Variants in GLDC observed in about 807,000 individuals in gnomAD.
GLDC encodes glycine decarboxylase, also known as glycine dehydrogenase (decarboxylating), mitochondrial.
Under a neutral mutation model 121.3 loss-of-function variants are expected in GLDC, and 104 were observed. The observed-to-expected ratio is 0.86, with a 90% CI of 0.73 to 1.01. The LOEUF (loss-of-function observed/expected upper bound fraction) is 1.01, where lower values mean the gene tolerates loss of function less well. GLDC is among the 50% of genes least tolerant of loss of function. The pLI, the probability that GLDC is intolerant of heterozygous loss-of-function variation, is 0.00. For synonymous variants in GLDC, 546 were observed against 480.6 expected, an observed-to-expected ratio of 1.14 and a Z score of -1.78; for missense variants, 1,429 against 1,306.6, an observed-to-expected ratio of 1.09 and a Z score of -1.44.
intron 17 of GLDC, among the ~76,000 whole-genome samples, chr9:6,557,414 G>T (rs7021790): frequency 0.77 from 116,389 of 151,386 alleles, 45,118 homozygotes; most frequent in Middle Eastern, 0.83. Context: ...GCCAATACGG[G>T]GAAACCCTGT....
At chr9:6,584,339 T>C (rs898229877) in intron 15 of GLDC, among the ~76,000 whole-genome samples, 6 of 152,242 alleles carry the variant, frequency 3.9e-5, no homozygotes, top group Middle Eastern at 3.2e-3. Flanking sequence ...TGCAGAGTTG[T>C]CAAGAAACCT....
At position 6,556,168 on chromosome 9, in the gene GLDC, TG is replaced by T. The variant is rs386833543; in HGVS notation, c.2186del (p.Ala729GlufsTer3). Reference protein sequence around the residue: ...QHGGQVYLDGANMNAQVGICR... With the variant: ...QHGGQVYLDGXNMNAQVGICR... ...CAGTTCCCACCTGAGCATTCATATTTGCCCCGTCTAGGTAGACCTGTCCTCC... is the reference window on the plus strand; with the variant it reads ...CAGTTCCCACCTGAGCATTCATATTTCCCCGTCTAGGTAGACCTGTCCTCC... On this transcript the variant is annotated frameshift_variant, in exon 18 of 25. Transcript: ENST00000321612. LOFTEE classifies it high-confidence loss of function. The T allele has an allele frequency of 6.2e-7, 1 of 1,612,968 alleles. No individual in the cohort carries two copies.
intron 17 of GLDC, chr9:6,557,669 C>G (rs1817663829): frequency 6.7e-6 from 1 of 149,930 alleles, no homozygotes; most frequent in South Asian, 2.1e-4. Flanking sequence ...AGAAGTGTTT[C>G]TGTAAATAAA....
chr9:6,535,056 A>C (rs1249588723), intron 23 of GLDC, among the ~76,000 whole-genome samples: 1 of 152,072 alleles, frequency 6.6e-6, no homozygotes, highest in Non-Finnish European at 1.5e-5. Flanking sequence ...AATTACCTAC[A>C]CGTTTGGTGC....
chr9:6,534,868 C>T lies in GLDC; in HGVS notation c.2839-80G>A, dbSNP rs1170251678. The stretch of plus-strand genomic sequence containing the variant: ...CCTACCCTGCACCTCAACCGTCAAT[C>T]TTCTGACAGGAGCCCAGGCAGAGAA... On this transcript the variant is annotated intron_variant, in intron 23 of 24. Coordinates refer to ENST00000321612, the MANE Select transcript of GLDC (RefSeq NM_000170.3). The T allele has an allele frequency of 9.0e-6, 7 of 781,490 alleles. No homozygotes were observed. The East Asian group carries it at 1.0e-4, about 11-fold the overall frequency. The allele number at this position is 781,490 out of a possible 1,614,324, so 48.4% of individuals were successfully genotyped here.
At chr9:6,592,600 G>T (rs977925350) in intron 10 of GLDC, among the ~76,000 whole-genome samples, 1 of 152,146 alleles carries the variant, frequency 6.6e-6, no homozygotes, top group Admixed American at 6.5e-5. Flanking sequence ...GAAGAGAGGA[G>T]TATTATGAAC....
Position 6,533,086 on chromosome 9 carries a change from C to T in GLDC, c.2994G>A (p.Leu998=). Reference sequence around the variant, plus strand: ...CTTCCATGGGTGGGCAGGTACAAACCAGGTGCTGATCTCCATATATGTCAT... The same window carrying T: ...CTTCCATGGGTGGGCAGGTACAAACTAGGTGCTGATCTCCATATATGTCAT... ...RIDDIYGDQH[L]VCTCPPMEVY... is the part of the protein sequence containing the mutation. Residue 998 remains leucine, a synonymous_variant, in exon 25 of 25, where the codon CTG becomes CTA. Coordinates refer to ENST00000321612, the MANE Select transcript of GLDC (RefSeq NM_000170.3). The T allele has an allele frequency of 6.2e-7, 1 of 1,611,676 alleles. No homozygotes were observed. The highest frequency in any genetic ancestry group is 8.5e-7 in the Non-Finnish European group (1 of 1,177,832).
intron 19 of GLDC, 146 bp from the exon 20 acceptor site, chr9:6,553,655 G>A (rs1285122521): frequency 2.3e-5 from 18 of 767,548 alleles, no homozygotes. Flanking sequence ...GGAGGCAGAT[G>A]TTCAGGAAGC....
At chr9:6,545,733 T>G (rs1025562731) in intron 21 of GLDC, among the ~76,000 whole-genome samples, 3 of 151,894 alleles carry the variant, frequency 2.0e-5, no homozygotes, top group African/African-American at 7.3e-5. Context: ...CTCCTATTCC[T>G]GGGTTCAAGC....
chr9:6,566,913 G>A (rs1254133464), intron 15 of GLDC, among the ~76,000 whole-genome samples: 6 of 152,110 alleles, frequency 3.9e-5, no homozygotes, highest in Admixed American at 3.9e-4. Context: ...AGAAACTGAG[G>A]TCTGAGTGCT....
intron 15 of GLDC, among the ~76,000 whole-genome samples, chr9:6,575,772 T>C (rs966784066): frequency 6.6e-6 from 1 of 152,244 alleles, no homozygotes; most frequent in African/African-American, 2.4e-5. Context: ...TCTTTCTGTC[T>C]GCCTTAAACA....
intron 3 of GLDC, among the ~76,000 whole-genome samples, chr9:6,614,139 A>G (rs1011435700): frequency 2.0e-5 from 3 of 152,290 alleles, no homozygotes; most frequent in Admixed American, 6.5e-5. Flanking sequence ...CTCTCCAGAA[A>G]GAGCATATCT....
At chr9:6,543,723 C>A (rs1817323163) in intron 21 of GLDC, among the ~76,000 whole-genome samples, 1 of 152,116 alleles carries the variant, frequency 6.6e-6, no homozygotes, top group Non-Finnish European at 1.5e-5. Flanking sequence ...TTCTTTGCAG[C>A]TTTTAGGACA....
intron 3 of GLDC, among the ~76,000 whole-genome samples, chr9:6,619,863 T>G (rs1306017502): frequency 1.3e-5 from 2 of 152,176 alleles, no homozygotes; most frequent in African/African-American, 4.8e-5. Flanking sequence ...AAGGCCTGAA[T>G]CTGCCCACCT....
chr9:6,592,817 A>C (rs200788836), intron 10 of GLDC, 34 bp downstream of exon 10: 1 of 1,600,978 alleles, frequency 6.2e-7, no homozygotes, highest in East Asian at 2.2e-5. Flanking sequence ...TGAAAATTTG[A>C]AAAACTGGTA....
At chr9:6,613,471 AAAG>A (rs1818902806) in intron 3 of GLDC, among the ~76,000 whole-genome samples, 2 of 152,202 alleles carry the variant, frequency 1.3e-5, no homozygotes, top group Admixed American at 1.3e-4. Flanking sequence ...ACTAAAAATA[AAAG>A]AAGTTTTTGT....
At chr9:6,537,127 C>T (rs1817144866) in intron 22 of GLDC, among the ~76,000 whole-genome samples, 1 of 151,294 alleles carries the variant, frequency 6.6e-6, no homozygotes, top group African/African-American at 2.4e-5. Flanking sequence ...ACCTCCTGGG[C>T]TCAAGTGATC....
chr9:6,588,000 C>T lies in GLDC; in HGVS notation c.1707+401G>A, dbSNP rs191068027. On this transcript the variant is annotated intron_variant, in intron 14 of 24. Coordinates refer to ENST00000321612, the MANE Select transcript of GLDC (RefSeq NM_000170.3). ...ACAAATCTTCTGTTGACTTGAATCC[C>T]TATCTTTCTGATACAGGAATGATTT... Among the ~76,000 whole-genome samples, 18 of 151,926 alleles carry T rather than the reference C, an allele frequency of 1.2e-4. No individual in the cohort carries two copies. In the East Asian group the frequency reaches 3.3e-3, roughly 28 times the overall value.
At chr9:6,631,354 A>C in intron 2 of GLDC, among the ~76,000 whole-genome samples, 1 of 152,140 alleles carries the variant, frequency 6.6e-6, no homozygotes, top group East Asian at 1.9e-4. Flanking sequence ...GCTCTTCCTG[A>C]TCACCCGAGA....
Sources: allele counts gnomAD v4.1 joint callset (sites outside exome capture counted in the v4.1 genomes callset), GRCh38; gene constraint gnomAD v4.1.1; transcripts MANE v1.5; gene names NCBI Gene and HGNC (gene_info 2026-07-23, HGNC 2026-07-21).